The following PAEP variants were observed in gnomAD, a reference collection of about 807,000 sequenced individuals.
PAEP encodes glycodelin.
In PAEP, 28 loss-of-function variants were observed where a neutral mutation model predicts 23.0. That is an observed-to-expected ratio of 1.22 (90% confidence interval 0.90 to 1.67). The LOEUF (loss-of-function observed/expected upper bound fraction) is 1.67, where lower values mean the gene tolerates loss of function less well. Among genes scored for constraint, PAEP ranks in the 40% most tolerant of loss-of-function variants. PAEP has a pLI of 0.00. For missense variants in PAEP, 209 were observed against 226.4 expected (o/e 0.92, Z 0.49); for synonymous variants, 103 against 92.4 (o/e 1.12, Z -0.66).
Position 135,564,288 on chromosome 9 carries a change from A to C in PAEP, c.355A>C (p.Asn119His). The C allele has an allele frequency of 6.4e-7, 1 of 1,553,468 alleles. No individual in the cohort carries two copies. Among genetic ancestry groups the C allele is most frequent in the Non-Finnish European group, 8.7e-7 (1 of 1,147,944 alleles). ...EATLLDTDYD[N>H]FLFLCLQDTT... ...CACGCTGCTCGATACTGACTACGAC[A>C]ATTTCCTGTTTCTCTGCCTACAGGA... Residue 119 changes from asparagine (N) to histidine (H), a missense_variant, in exon 4 of 7, where the codon AAT (asparagine) becomes CAT (histidine). Transcript: ENST00000479141.
chr9:135,565,002 G>A (rs1832511304), intron 4 of PAEP, among the ~76,000 whole-genome samples: 1 of 152,238 alleles, frequency 6.6e-6, no homozygotes, highest in Admixed American at 6.5e-5. Flanking sequence ...AGCCACATAG[G>A]CACAGCCCTT....
chr9:135,563,404 A>G (rs1448864028), intron 3 of PAEP, among the ~76,000 whole-genome samples: 3 of 150,790 alleles, frequency 2.0e-5, no homozygotes, highest in Non-Finnish European at 3.0e-5. Context: ...ACAGGTGGAC[A>G]GGTGGGTAGG....
At chr9:135,564,834 G>T in intron 4 of PAEP, 1 of 985,430 alleles carries the variant, frequency 1.0e-6, no homozygotes, top group Non-Finnish European at 1.2e-6. Flanking sequence ...GGTTCATCGA[G>T]TCCTCTGACA....
rs143616209 is a variant in PAEP, at chr9:135,565,794, G to T, written c.536G>T (p.Arg179Leu). The T allele has an allele frequency of 1.2e-6, 2 of 1,613,760 alleles. No individual in the cohort carries two copies. The highest frequency in any genetic ancestry group is 2.7e-5 in the African/African-American group (2 of 75,020). The change falls in exon 6 of 7, where the codon CGT becomes CTT. Residue 179 changes from arginine (R) to leucine (L), a missense_variant. Physicochemically the swap from Arg to Leu is moderately radical, Grantham distance 102 (BLOSUM62 -2). Transcript: ENST00000479141. ...CCATCTCCTCCCACAGAGCCGTGCCGTTTCTAGGTGAGCTCCTGCCTGGTC... is the reference window on the plus strand; with the variant it reads ...CCATCTCCTCCCACAGAGCCGTGCCTTTTCTAGGTGAGCTCCTGCCTGGTC... Reference protein sequence around the residue: ...LDLKQMEEPCRF With the variant: ...LDLKQMEEPCLF
At chr9:135,565,387 G>T (rs773138552) in intron 4 of PAEP, 23 bp from the exon 5 acceptor site, 2 of 1,601,434 alleles carry the variant, frequency 1.2e-6, no homozygotes, top group Non-Finnish European at 1.7e-6. Context: ...AGGGGCCCAG[G>T]ACTGACCCAG....
In PAEP at chr9:135,566,914, C is replaced by G. The variant is rs1166340002; in HGVS notation, c.*362C>G. The G allele has an allele frequency of 6.6e-6, 1 of 152,436 alleles. No homozygotes were observed. Among genetic ancestry groups the G allele is most frequent in the Non-Finnish European group, 1.5e-5 (1 of 68,044 alleles). The allele number at this position is 152,436 out of a possible 1,614,324, so 9.4% of individuals were successfully genotyped here. A position where few individuals can be genotyped will look rare whatever the true frequency, so the allele number is the denominator to read the frequency against. On this transcript the variant is annotated 3_prime_UTR_variant, in exon 7 of 7. Transcript: ENST00000479141. Reference sequence around the variant, plus strand: ...GCAGCTTCTGGTGGAGAAAATACCTCAAGTTTCTTATCTACAAAACAAAAG... The same window carrying G: ...GCAGCTTCTGGTGGAGAAAATACCTGAAGTTTCTTATCTACAAAACAAAAG...
chr9:135,566,156 C>T (rs1282900097), intron 6 of PAEP: 2 of 266,854 alleles, frequency 7.5e-6, no homozygotes, highest in Non-Finnish European at 7.1e-6. Flanking sequence ...CTGCAGGTCT[C>T]GGTCCCACGT....
intron 2 of PAEP, 39 bp downstream of exon 2, chr9:135,562,472 C>G: frequency 6.2e-7 from 1 of 1,602,434 alleles, no homozygotes; most frequent in Admixed American, 1.7e-5. Context: ...GGCGGGGGCT[C>G]AGTCTCCCCC....
At chr9:135,563,085 G>A in intron 3 of PAEP, 192 bp downstream of exon 3, 1 of 588,278 alleles carries the variant, frequency 1.7e-6, no homozygotes. Context: ...GGAGGGCAGG[G>A]GAAGCACTAA....
At position 135,564,365 on chromosome 9, in the gene PAEP, C is replaced by T. The variant is rs976358251; in HGVS notation, c.421+11C>T. ...TGTGCCAGTACCTGGGTGGGTCTCA[C>T]AGCACATGAGCTCAACGTGGGTGAG... On this transcript the variant is annotated intron_variant, in intron 4 of 6. Transcript: ENST00000479141. 43 of 1,549,482 alleles carry T rather than the reference C, an allele frequency of 2.8e-5. No individual in the cohort carries two copies. The highest frequency in any genetic ancestry group is 3.6e-5 in the Non-Finnish European group (41 of 1,146,756).
In PAEP at chr9:135,565,524, G is replaced by A. The variant is rs765941303; in HGVS notation, c.526+10G>A. 3.7e-6 allele frequency: 6 copies of A among 1,608,334 alleles called. No individual in the cohort carries two copies. The highest frequency in any genetic ancestry group is 1.7e-5 in the Admixed American group (1 of 59,992). On this transcript the variant is annotated intron_variant, in intron 5 of 6. Transcript: ENST00000479141. ...TTGAAACAGATGGAAGGTGAGCTCTGCCTAGGACACGCCCAGCCTCAGCTG... is the reference window on the plus strand; with the variant it reads ...TTGAAACAGATGGAAGGTGAGCTCTACCTAGGACACGCCCAGCCTCAGCTG...
intron 3 of PAEP, 46 bp from the exon 4 acceptor site, chr9:135,564,198 A>G (rs1832467188): frequency 6.5e-7 from 1 of 1,549,740 alleles, no homozygotes; most frequent in Non-Finnish European, 8.7e-7. Flanking sequence ...GACTCTGCTG[A>G]GACGGAGGCT....
chr9:135,563,230 G>A (rs2119028485), intron 3 of PAEP, among the ~76,000 whole-genome samples: 1 of 152,290 alleles, frequency 6.6e-6, no homozygotes, highest in Non-Finnish European at 1.5e-5. Flanking sequence ...AGGTGGGCAG[G>A]TGGGTAGGTG....
chr9:135,565,277 C>T (rs1832523681), intron 4 of PAEP, 133 bp from the exon 5 acceptor site: 2 of 749,594 alleles, frequency 2.7e-6, no homozygotes, highest in African/African-American at 1.7e-5. Context: ...GGACCTACTC[C>T]AGACCAAACT....
At chr9:135,564,378 C>T in intron 4 of PAEP, 24 bp downstream of exon 4, 1 of 1,547,790 alleles carries the variant, frequency 6.5e-7, no homozygotes, top group Non-Finnish European at 8.7e-7. Context: ...CACATGAGCT[C>T]AACGTGGGTG....
rs1039038782 is a variant in PAEP at position 135,561,894 on chromosome 9, A to T, written c.93A>T (p.Pro31=). The change falls in exon 1 of 7, where the codon CCA becomes CCT. Residue 31 remains proline (P), a synonymous_variant. Transcript: ENST00000479141. ...AGACCAAGCAGGACCTGGAGCTCCC[A>T]AAGGTTTGAGGCTGGGGGAGCGGGC... ...IPQTKQDLEL[P]KLAGTWHSMA... 1 of 1,562,278 alleles carries T rather than the reference A, an allele frequency of 6.4e-7. No homozygotes were observed. Among genetic ancestry groups the T allele is most frequent in the Non-Finnish European group, 8.7e-7 (1 of 1,152,486 alleles).
chr9:135,562,251 C>G (rs1240459208), intron 1 of PAEP, 43 bp from the exon 2 acceptor site: 1 of 1,601,642 alleles, frequency 6.2e-7, no homozygotes, highest in Admixed American at 1.7e-5. Context: ...GCAACGAGAG[C>G]CATGGTGGGG....
At chr9:135,565,681 C>A (rs1832548874) in intron 5 of PAEP, 104 bp from the exon 6 acceptor site, 6 of 1,461,096 alleles carry the variant, frequency 4.1e-6, no homozygotes, top group Non-Finnish European at 5.8e-6. Flanking sequence ...TGGGGTCCTG[C>A]CCTCTCCCAC....
At position 135,562,812 on chromosome 9, in the gene PAEP, C is replaced by A; in HGVS notation, c.237-8C>A. On this transcript the variant is annotated splice_polypyrimidine_tract_variant and splice_region_variant and intron_variant, in intron 2 of 6. Coordinates refer to ENST00000479141, the MANE Select transcript of PAEP (RefSeq NM_002571.4). ...GTGGCCACTCATCCTATTGTCACCACCTTTCAGGGAGAACAACAGCTGTGT... is the reference window on the plus strand; with the variant it reads ...GTGGCCACTCATCCTATTGTCACCAACTTTCAGGGAGAACAACAGCTGTGT... 1 of 1,612,000 alleles carries A rather than the reference C, an allele frequency of 6.2e-7. No individual in the cohort carries two copies. Among genetic ancestry groups the A allele is most frequent in the Non-Finnish European group, 8.5e-7 (1 of 1,178,318 alleles).
Sources: gnomAD v4.1 joint callset for allele counts (sites outside exome capture counted in the v4.1 genomes callset) on GRCh38, gnomAD v4.1.1 for gene constraint, MANE v1.5 for transcripts, NCBI Gene and HGNC (gene_info 2026-07-23, HGNC 2026-07-21) for gene names.